VWF: variants seen among roughly 807,000 people sequenced by gnomAD.
VWF encodes the protein von Willebrand factor.
In VWF, 176 loss-of-function variants were observed where a neutral mutation model predicts 308.6. That is an observed-to-expected ratio of 0.57 (90% confidence interval 0.50 to 0.65). VWF has a LOEUF of 0.65. Among genes scored for constraint, VWF ranks in the 30% least tolerant of loss-of-function variants. The pLI is 0.00. For missense variants in VWF, 3,146 were observed against 3,648.2 expected (o/e 0.86, Z 3.55); for synonymous variants, 1,385 against 1,443.4 (o/e 0.96, Z 0.92).
At chr12:6,083,100 C>T (rs1156951220) in intron 6 of VWF, among the ~76,000 whole-genome samples, 1 of 152,184 alleles carries the variant, frequency 6.6e-6, no homozygotes, top group East Asian at 1.9e-4. Flanking sequence ...ACCTCTGCCT[C>T]TCGCAACCCA....
intron 5 of VWF, among the ~76,000 whole-genome samples, chr12:6,107,399 C>T (rs947045478): frequency 6.6e-6 from 1 of 152,176 alleles, no homozygotes; most frequent in African/African-American, 2.4e-5. Context: ...GTGAATTTTA[C>T]TGTCTGTAAA....
chr12:6,050,207 C>A (rs2136446722), intron 16 of VWF, among the ~76,000 whole-genome samples: 1 of 152,326 alleles, frequency 6.6e-6, no homozygotes, highest in African/African-American at 2.4e-5. Flanking sequence ...CACAGGCATT[C>A]AAGTTCAGAA....
intron 47 of VWF, among the ~76,000 whole-genome samples, chr12:5,964,278 A>ACATACATG (rs1198525442): frequency 7.2e-6 from 1 of 138,400 alleles, no homozygotes; most frequent in Non-Finnish European, 1.5e-5. Flanking sequence ...ATACATGCAT[A>ACATACATG]CATACATGCA....
Position 6,036,372 on chromosome 12 carries a change from C to G in VWF, c.2546+16G>C. On this transcript the variant is annotated intron_variant, in intron 19 of 51. Transcript: ENST00000261405. ...CAGGGCCTGGGTCCCCGGCGCAGCC[C>G]CTCACTGAGCCTCACCAAGTGTTGC... 6.2e-7 allele frequency: 1 copy of G among 1,613,212 alleles called. No homozygotes were observed.
intron 41 of VWF, among the ~76,000 whole-genome samples, chr12:5,982,873 G>C (rs905450784): frequency 1.3e-5 from 2 of 152,234 alleles, no homozygotes; most frequent in Admixed American, 6.5e-5. Flanking sequence ...TAGATTCGGA[G>C]GCCTCCTCAT....
In VWF at chr12:6,072,337, T is replaced by G; in HGVS notation, c.1103A>C (p.Asn368Thr). 1.2e-6 allele frequency: 2 copies of G among 1,613,732 alleles called. No individual in the cohort carries two copies. Among genetic ancestry groups the G allele is most frequent in the Admixed American group, 1.7e-5 (1 of 60,012 alleles). Reference protein sequence around the residue: ...PPGTSLSRDCNTCICRNSQWI... With the variant: ...PPGTSLSRDCTTCICRNSQWI... ...GCTGCGCAGCCCCCATTACCAGGTG[T>G]TGCAGTCTCGAGAGAGGGAGGTGCC... is the stretch of plus-strand genomic sequence containing the variant. The change falls in exon 9 of 52, where the codon AAC becomes ACC. Residue 368 changes from asparagine (N) to threonine (T), a missense_variant. Coordinates refer to ENST00000261405, the MANE Select transcript of VWF (RefSeq NM_000552.5).
At chr12:6,057,488 TATTA>T (rs1944595171) in intron 14 of VWF, among the ~76,000 whole-genome samples, 1 of 113,850 alleles carries the variant, frequency 8.8e-6, no homozygotes, top group African/African-American at 3.2e-5. Context: ...AATTTATTAT[TATTA>T]TTATTATTAT....
Position 6,046,644 on chromosome 12 carries a change from C to T in VWF, c.2281+79G>A, listed in dbSNP as rs1944449100. 7.2e-7 allele frequency: 1 copy of T among 1,397,908 alleles called. No homozygotes were observed. Among genetic ancestry groups the T allele is most frequent in the East Asian group, 2.3e-5 (1 of 43,790 alleles). The allele number at this position is 1,397,908 out of a possible 1,614,324, so 86.6% of individuals were successfully genotyped here. On this transcript the variant is annotated intron_variant, in intron 17 of 51. Coordinates refer to ENST00000261405, the MANE Select transcript of VWF (RefSeq NM_000552.5). This position sits in a 1 kb window ranked among gnomAD's most constrained non-coding sequence, Gnocchi z 5.0. ...CACACGCACATCTGACGGTGTCACC[C>T]AGCTCTCTCCCGCCATTCCACACGT...
intron 40 of VWF, 60 bp downstream of exon 40, chr12:5,984,985 C>T (rs1943661128): frequency 3.8e-6 from 6 of 1,565,308 alleles, no homozygotes; most frequent in South Asian, 2.2e-5. Context: ...GCACCTTCAA[C>T]GTGGTGCCCC....
chr12:6,022,934 G>A (rs1304410061), intron 25 of VWF, 36 bp from the exon 26 acceptor site: 4 of 382,824 alleles, frequency 1.0e-5, no homozygotes, highest in Non-Finnish European at 1.9e-5. Context: ...GGCCACAACA[G>A]GCAAAGCCTC....
intron 47 of VWF, among the ~76,000 whole-genome samples, chr12:5,955,867 CAAGAA>C (rs1428496096): frequency 2.0e-5 from 3 of 151,948 alleles, no homozygotes; most frequent in Non-Finnish European, 4.4e-5. Context: ...AGACAGGACA[CAAGAA>C]AAGAAAAGAT....
At position 6,058,715 on chromosome 12, in the gene VWF, GC is replaced by G. The variant is rs1944622853; in HGVS notation, c.1534-672del. On this transcript the variant is annotated intron_variant, in intron 13 of 51. Coordinates refer to ENST00000261405, the MANE Select transcript of VWF (RefSeq NM_000552.5). The surrounding 1 kb of genome is among the most constrained non-coding windows in gnomAD (Gnocchi z 4.9). ...AGGAGTCTGCAGAGGCTCTGAGGCA[GC>G]CTGCCAGGGTGACAGCAGCAAAGCA... Among the ~76,000 whole-genome samples, 2 of 152,208 alleles carry G rather than the reference GC, an allele frequency of 1.3e-5. No homozygotes were observed. The highest frequency in any genetic ancestry group is 4.8e-5 in the African/African-American group (2 of 41,450).
At chr12:6,111,931 C>A (rs774572623) in intron 3 of VWF, among the ~76,000 whole-genome samples, 1 of 150,874 alleles carries the variant, frequency 6.6e-6, no homozygotes, top group Non-Finnish European at 1.5e-5. Flanking sequence ...GCACTCCAGC[C>A]TGGGTGACAG....
chr12:6,112,827 GACACACACACAC>G (rs58457258), intron 3 of VWF, among the ~76,000 whole-genome samples: 2 of 145,070 alleles, frequency 1.4e-5, no homozygotes, highest in African/African-American at 5.0e-5. Context: ...CAGACACACA[GACACACACACAC>G]ACACACACAC....
chr12:6,010,802 A>T (rs946793198), intron 34 of VWF, among the ~76,000 whole-genome samples: 4 of 152,186 alleles, frequency 2.6e-5, no homozygotes, highest in African/African-American at 9.7e-5. Flanking sequence ...TGGAACTGGG[A>T]GGTGTTTTAA....
At chr12:5,969,689 G>C (rs111435762) in intron 44 of VWF, among the ~76,000 whole-genome samples, 6 of 152,328 alleles carry the variant, frequency 3.9e-5, no homozygotes, top group Non-Finnish European at 5.9e-5. Flanking sequence ...CAGATACTCC[G>C]GCCAAGAAGC....
At chr12:6,052,997 T>C (rs1030601128) in intron 15 of VWF, among the ~76,000 whole-genome samples, 1 of 152,204 alleles carries the variant, frequency 6.6e-6, no homozygotes, top group Non-Finnish European at 1.5e-5. Flanking sequence ...CCCAATTATA[T>C]CTGTATGGTC....
chr12:6,072,179 G>A, intron 9 of VWF, 152 bp downstream of exon 9: 3 of 679,076 alleles, frequency 4.4e-6, no homozygotes, highest in Non-Finnish European at 2.6e-6. Flanking sequence ...TGCCACACCT[G>A]TCCCTAGCCC....
At position 6,095,510 on chromosome 12, in the gene VWF, C is replaced by T. The variant is rs1293789701; in HGVS notation, c.607G>A (p.Ala203Thr). ...TTGCATGAGCTGCTGGGAGGAGATG[C>T]CCGTTCACACCACTGTTCTCCACTG... ...LSSGEQWCER[A>T]SPPSSSCNIS... The change falls in exon 6 of 52, where the codon GCA (alanine) becomes ACA (threonine). Residue 203 changes from alanine (A) to threonine (T), a missense_variant. By Grantham distance (58) the Ala-to-Thr change is moderately conservative. Transcript: ENST00000261405. 6.2e-7 allele frequency: 1 copy of T among 1,613,996 alleles called. No homozygotes were observed. Among genetic ancestry groups the T allele is most frequent in the Non-Finnish European group, 8.5e-7 (1 of 1,180,024 alleles).
Sources: allele counts gnomAD v4.1 joint callset (sites outside exome capture counted in the v4.1 genomes callset), GRCh38; gene constraint gnomAD v4.1.1; non-coding constraint Gnocchi (gnomAD v3.1); transcripts MANE v1.5; gene names NCBI Gene and HGNC (gene_info 2026-07-23, HGNC 2026-07-21).